TMEM132D: variants seen among roughly 807,000 people sequenced by gnomAD.
TMEM132D encodes the protein transmembrane protein 132D.
In TMEM132D, 21 loss-of-function variants were observed where a neutral mutation model predicts 62.3. That is an observed-to-expected ratio of 0.34 (90% CI 0.24 to 0.49). The LOEUF (loss-of-function observed/expected upper bound fraction) is 0.49, where lower values mean the gene tolerates loss of function less well. Ranked by LOEUF, TMEM132D falls within the 20% of genes least tolerant of loss-of-function variation. The pLI is 0.99. For synonymous variants in TMEM132D, 621 were observed against 575.6 expected (o/e 1.08, Z -1.13); for missense variants, 1,346 against 1,402.8 (o/e 0.96, Z 0.65).
intron 2 of TMEM132D, among the ~76,000 whole-genome samples, chr12:129,612,271 T>A (rs868779388): frequency 1.1e-4 from 17 of 152,152 alleles, no homozygotes; most frequent in Middle Eastern, 3.2e-3. Flanking sequence ...TGCCTGCGGC[T>A]CTTTTCTCTG....
intron 3 of TMEM132D, chr12:129,521,324 G>C (rs1306058426): frequency 2.0e-5 from 3 of 152,134 alleles, no homozygotes; most frequent in Non-Finnish European, 4.4e-5. Context: ...GGAATCATTT[G>C]TTTAAAGAAG....
At position 129,343,216 on chromosome 12, in the gene TMEM132D, C is replaced by T. The variant is rs529793766; in HGVS notation, c.1116-5399G>A. Among the ~76,000 whole-genome samples the T allele has an allele frequency of 2.6e-5, 4 of 152,258 alleles. No homozygotes were observed. In the East Asian group the frequency reaches 7.7e-4, roughly 29 times the overall value. ...GATAGACTGGATTAAGAAAATGTGG[C>T]ACATATACAGCATGGAATACTATGC... On this transcript the variant is annotated intron_variant, in intron 3 of 8. Coordinates refer to ENST00000422113, the MANE Select transcript of TMEM132D (RefSeq NM_133448.3).
chr12:129,387,725 C>A (rs889557181), intron 3 of TMEM132D, among the ~76,000 whole-genome samples: 1 of 147,338 alleles, frequency 6.8e-6, no homozygotes. Flanking sequence ...ATATTAACAC[C>A]AACACGAATC....
rs182596287 is a variant in TMEM132D, at chr12:129,092,627, G to A, written c.1444-7925C>T. Reference sequence around the variant, plus strand: ...GGAGAATCGCTTGAACTCAGGAGGCGGAGGTTGCAGTGAGCTGAGACTCGC... The same window carrying A: ...GGAGAATCGCTTGAACTCAGGAGGCAGAGGTTGCAGTGAGCTGAGACTCGC... On this transcript the variant is annotated intron_variant, in intron 5 of 8. Coordinates refer to ENST00000422113, the MANE Select transcript of TMEM132D (RefSeq NM_133448.3). Among the ~76,000 whole-genome samples the A allele has an allele frequency of 3.5e-4, 54 of 152,244 alleles. No individual in the cohort carries two copies. In the East Asian group the frequency reaches 8.1e-3, roughly 23 times the overall value.
chr12:129,246,054 G>A (rs1446649249), intron 4 of TMEM132D, among the ~76,000 whole-genome samples: 1 of 151,830 alleles, frequency 6.6e-6, no homozygotes, highest in African/African-American at 2.4e-5. Context: ...CCCCACCCCG[G>A]CCCACTTCAC....
chr12:129,767,398 A>C (rs1428986558), intron 1 of TMEM132D, among the ~76,000 whole-genome samples: 3 of 152,182 alleles, frequency 2.0e-5, no homozygotes, highest in Non-Finnish European at 2.9e-5. Flanking sequence ...CTTTCCCTAC[A>C]GTATATTCAT....
chr12:129,794,200 T>A (rs1871489672), intron 1 of TMEM132D, among the ~76,000 whole-genome samples: 1 of 151,142 alleles, frequency 6.6e-6, no homozygotes, highest in East Asian at 1.9e-4. Context: ...GCAATTCTCC[T>A]GCCTCAGTCT....
At chr12:129,685,025 G>C (rs1442836958) in intron 2 of TMEM132D, among the ~76,000 whole-genome samples, 1 of 152,182 alleles carries the variant, frequency 6.6e-6, no homozygotes, top group Non-Finnish European at 1.5e-5. Flanking sequence ...TATTCATGAA[G>C]ATATGGTCTT....
At chr12:129,499,778 C>A (rs2137066172) in intron 3 of TMEM132D, among the ~76,000 whole-genome samples, 1 of 152,304 alleles carries the variant, frequency 6.6e-6, no homozygotes, top group Non-Finnish European at 1.5e-5. Flanking sequence ...CAGAGTAAGA[C>A]CGTATGAGGC....
At chr12:129,512,766 C>T (rs1046318092) in intron 3 of TMEM132D, among the ~76,000 whole-genome samples, 12 of 152,308 alleles carry the variant, frequency 7.9e-5, no homozygotes, top group East Asian at 3.9e-4. Flanking sequence ...ACTGGCTACA[C>T]GCATGTCCAC....
intron 5 of TMEM132D, among the ~76,000 whole-genome samples, chr12:129,193,273 G>C (rs779445464): frequency 4.6e-5 from 7 of 152,132 alleles, no homozygotes; most frequent in Middle Eastern, 3.4e-3. Flanking sequence ...GTGACATATG[G>C]CATATAACTC....
At chr12:129,118,594 G>A (rs1712629511) in intron 5 of TMEM132D, among the ~76,000 whole-genome samples, 2 of 152,196 alleles carry the variant, frequency 1.3e-5, no homozygotes, top group Non-Finnish European at 2.9e-5. Context: ...CTTTTAGAGG[G>A]CACTGAATGA....
chr12:129,638,945 T>C (rs1879570539), intron 2 of TMEM132D, among the ~76,000 whole-genome samples: 1 of 151,872 alleles, frequency 6.6e-6, no homozygotes, highest in Non-Finnish European at 1.5e-5. Context: ...GAGTTTCAAA[T>C]GAAAAAAACA....
intron 1 of TMEM132D, among the ~76,000 whole-genome samples, chr12:129,832,529 C>T (rs1405991518): frequency 1.3e-5 from 2 of 152,132 alleles, no homozygotes; most frequent in Admixed American, 6.6e-5. Flanking sequence ...ATGACATCCT[C>T]GCAGCTTCCC....
intron 1 of TMEM132D, among the ~76,000 whole-genome samples, chr12:129,824,857 T>A (rs1202676755): frequency 2.6e-5 from 4 of 152,192 alleles, no homozygotes; most frequent in African/African-American, 7.2e-5. Context: ...CCTCCCACTA[T>A]CTGGCAAGTA....
chr12:129,523,803 G>A (rs1176698052), intron 3 of TMEM132D, among the ~76,000 whole-genome samples: 1 of 152,142 alleles, frequency 6.6e-6, no homozygotes, highest in Non-Finnish European at 1.5e-5. Context: ...CACAGAGAAT[G>A]GGGTTCATCA....
intron 3 of TMEM132D, among the ~76,000 whole-genome samples, chr12:129,470,303 A>G (rs1353967138): frequency 6.6e-6 from 1 of 152,222 alleles, no homozygotes; most frequent in Non-Finnish European, 1.5e-5. Flanking sequence ...AAAGTTACCA[A>G]GGCAGCTTCT....
intron 5 of TMEM132D, among the ~76,000 whole-genome samples, chr12:129,182,036 G>A (rs1013906639): frequency 2.1e-4 from 32 of 152,242 alleles, no homozygotes; most frequent in Non-Finnish European, 2.5e-4. Flanking sequence ...AGAGTGAAGG[G>A]ATGAGGGGTT....
rs1462089256 is a variant in TMEM132D, at chr12:129,531,208, G to A, written c.969-3C>T. The A allele has an allele frequency of 6.2e-7, 1 of 1,606,910 alleles. No individual in the cohort carries two copies. The highest frequency in any genetic ancestry group is 8.5e-7 in the Non-Finnish European group (1 of 1,176,546). On this transcript the variant is annotated splice_polypyrimidine_tract_variant and splice_region_variant and intron_variant, in intron 2 of 8. Coordinates refer to ENST00000422113, the MANE Select transcript of TMEM132D (RefSeq NM_133448.3). ...TCACGCCTTTCTTCACCTTTGCCCT[G>A]TTGGAGACAGCACGTGTGGGTCTGA... is the stretch of plus-strand genomic sequence containing the variant.
Sources: gnomAD v4.1 joint callset for allele counts (sites outside exome capture counted in the v4.1 genomes callset) on GRCh38, gnomAD v4.1.1 for gene constraint, MANE v1.5 for transcripts, NCBI Gene and HGNC (gene_info 2026-07-23, HGNC 2026-07-21) for gene names.